Variants in ME3 observed in about 807,000 individuals in gnomAD.
ME3 encodes the protein NADP-dependent malic enzyme, mitochondrial.
ME3 carries 48 observed loss-of-function variants against 68.9 expected under a neutral mutation model. The ratio of observed to expected loss-of-function variants is 0.70; its 90% CI spans 0.55 to 0.89. The LOEUF is 0.89. Among genes scored for constraint, ME3 ranks in the 40% least tolerant of loss-of-function variants. The probability of loss-of-function intolerance (pLI) is 0.00; values close to 1 mark genes in which losing one functional copy is unlikely to be tolerated. For missense variants in ME3, 675 were observed against 797.4 expected (o/e 0.85, Z 1.85); for synonymous variants, 320 against 318.8 (o/e 1.00, Z -0.04).
At chr11:86,511,969 A>G (rs1376336257) in intron 4 of ME3, among the ~76,000 whole-genome samples, 1 of 151,448 alleles carries the variant, frequency 6.6e-6, no homozygotes, top group Non-Finnish European at 1.5e-5. Flanking sequence ...CACTCTTATC[A>G]TTTCATCCCC....
chr11:86,598,817 C>T (rs1001147080), intron 2 of ME3, among the ~76,000 whole-genome samples: 12 of 152,134 alleles, frequency 7.9e-5, no homozygotes, highest in African/African-American at 2.4e-4. Context: ...CTGCAGACAC[C>T]GCTGCTGATA....
At chr11:86,626,178 C>T (rs73524095) in intron 2 of ME3, among the ~76,000 whole-genome samples, 94 of 152,268 alleles carry the variant, frequency 6.2e-4, no homozygotes, top group African/African-American at 2.2e-3. Context: ...AATGTTGGGG[C>T]TGGAACCCTG....
intron 6 of ME3, among the ~76,000 whole-genome samples, chr11:86,491,233 C>T (rs1263785427): frequency 6.6e-6 from 1 of 152,136 alleles, no homozygotes; most frequent in African/African-American, 2.4e-5. Flanking sequence ...AATAAACTGC[C>T]CAAGCTCACA....
intron 2 of ME3, among the ~76,000 whole-genome samples, chr11:86,655,197 T>A (rs940348175): frequency 2.0e-5 from 3 of 152,304 alleles, no homozygotes; most frequent in Non-Finnish European, 4.4e-5. Flanking sequence ...GATTCAATGC[T>A]ATCCCCATCA....
chr11:86,471,114 C>T (rs1950756528), intron 7 of ME3, among the ~76,000 whole-genome samples: 1 of 151,066 alleles, frequency 6.6e-6, no homozygotes, highest in Admixed American at 6.6e-5. Context: ...TCTAGGCCAA[C>T]CCCTACTTAA....
intron 2 of ME3, among the ~76,000 whole-genome samples, chr11:86,626,171 G>T (rs1455805859): frequency 6.6e-6 from 1 of 152,186 alleles, no homozygotes; most frequent in African/African-American, 2.4e-5. Context: ...GTGTTGCAAT[G>T]TTGGGGCTGG....
In ME3 at chr11:86,459,662, A is replaced by T. The variant is rs143977677; in HGVS notation, c.919+5429T>A. Among the ~76,000 whole-genome samples the T allele has an allele frequency of 4.9e-3, 748 of 152,326 alleles. 2 individuals carry two copies. Among genetic ancestry groups the T allele is most frequent in the Middle Eastern group, 0.034 (10 of 294 alleles). On this transcript the variant is annotated intron_variant, in intron 8 of 14. Coordinates refer to ENST00000543262, the Ensembl canonical transcript of ME3. The stretch of plus-strand genomic sequence containing the variant: ...TAAAACTGTTAAGTCCATTTTACAG[A>T]TAAGGAAAGGAAGGTACCGAGAATT...
intron 2 of ME3, among the ~76,000 whole-genome samples, chr11:86,657,901 A>G (rs775390582): frequency 1.4e-4 from 22 of 152,150 alleles, no homozygotes; most frequent in African/African-American, 4.3e-4. Flanking sequence ...CATTGGGTGG[A>G]TGGATGGATG....
intron 4 of ME3, among the ~76,000 whole-genome samples, chr11:86,520,652 C>T (rs1418619807): frequency 3.3e-5 from 5 of 152,188 alleles, no homozygotes; most frequent in Non-Finnish European, 7.3e-5. Flanking sequence ...GGATGATTTT[C>T]CTCCAGTAGA....
chr11:86,654,085 G>A (rs1945677818), intron 2 of ME3, among the ~76,000 whole-genome samples: 1 of 152,144 alleles, frequency 6.6e-6, no homozygotes, highest in Non-Finnish European at 1.5e-5. Context: ...AACAGGAGCT[G>A]AAATTGAGGC....
intron 7 of ME3, among the ~76,000 whole-genome samples, chr11:86,477,941 T>C (rs540637650): frequency 6.6e-6 from 1 of 152,224 alleles, no homozygotes; most frequent in East Asian, 1.9e-4. Context: ...AGCTGGACTG[T>C]CAACAATGAG....
intron 11 of ME3, among the ~76,000 whole-genome samples, chr11:86,447,802 G>T (rs1949398481): frequency 6.8e-6 from 1 of 147,432 alleles, no homozygotes; most frequent in Non-Finnish European, 1.5e-5. Flanking sequence ...AGGTTGCAGT[G>T]AGCTGAGATC....
chr11:86,497,659 G>T (rs1306108409), intron 6 of ME3, among the ~76,000 whole-genome samples: 1 of 152,164 alleles, frequency 6.6e-6, no homozygotes, highest in Non-Finnish European at 1.5e-5. Context: ...ACTGCCTGGG[G>T]TAATGGGGGT....
chr11:86,594,469 G>A (rs867766189), intron 2 of ME3, among the ~76,000 whole-genome samples: 1 of 145,364 alleles, frequency 6.9e-6, no homozygotes, highest in Non-Finnish European at 1.5e-5. Context: ...GGTGGGTGAA[G>A]CACTTGAGCC....
intron 4 of ME3, among the ~76,000 whole-genome samples, chr11:86,516,281 G>T (rs1294296592): frequency 6.6e-6 from 1 of 151,782 alleles, no homozygotes; most frequent in African/African-American, 2.4e-5. Context: ...TGGAATCCAG[G>T]GTTTAAACAA....
intron 4 of ME3, among the ~76,000 whole-genome samples, chr11:86,526,839 G>A (rs544225901): frequency 6.6e-6 from 1 of 152,258 alleles, no homozygotes. Context: ...CAAACAGAAA[G>A]GACATCCACA....
intron 5 of ME3, among the ~76,000 whole-genome samples, chr11:86,504,938 G>A (rs1050326013): frequency 4.6e-5 from 7 of 151,958 alleles, no homozygotes; most frequent in Non-Finnish European, 7.4e-5. Context: ...TGATCCGCCC[G>A]CCTCAGCCTC....
intron 2 of ME3, among the ~76,000 whole-genome samples, chr11:86,613,863 G>C (rs1290280701): frequency 2.0e-5 from 3 of 152,134 alleles, no homozygotes; most frequent in Non-Finnish European, 4.4e-5. Flanking sequence ...TGGGTAGGAA[G>C]AATCAATATC....
rs61638542 is a variant in ME3 at position 86,656,857 on chromosome 11, GA to G, written c.183+14904del. 9.1e-3 allele frequency among the ~76,000 whole-genome samples: 1,347 copies of G among 147,760 alleles called. 26 individuals are homozygous for G. Among genetic ancestry groups the G allele is most frequent in the African/African-American group, 0.031 (1,239 of 39,780 alleles). Reference sequence around the variant, plus strand: ...ACACTAATGCGGCTGATAAACATATGAAAAAAAAAAAGCTCATGATCAGTGG... The same window carrying G: ...ACACTAATGCGGCTGATAAACATATGAAAAAAAAAAGCTCATGATCAGTGG... On this transcript the variant is annotated intron_variant, in intron 2 of 14. Transcript: ENST00000543262.
Sources: allele counts gnomAD v4.1 joint callset (sites outside exome capture counted in the v4.1 genomes callset), GRCh38; gene constraint gnomAD v4.1.1; transcripts MANE v1.5; gene names NCBI Gene and HGNC (gene_info 2026-07-23, HGNC 2026-07-21).